The following GPC6 variants were observed in gnomAD, a reference collection of about 807,000 sequenced individuals.
GPC6 encodes the protein glypican-6.
GPC6 carries 14 observed loss-of-function variants against 55.2 expected under a neutral mutation model. That is an observed-to-expected ratio of 0.25 (90% CI 0.17 to 0.40). The LOEUF (loss-of-function observed/expected upper bound fraction) is 0.40. Among genes scored for constraint, GPC6 ranks in the 10% least tolerant of loss-of-function variants. GPC6 has a pLI of 1.00. For missense variants in GPC6, 641 were observed against 708.5 expected (o/e 0.90, Z 1.08); for synonymous variants, 278 against 259.6 (o/e 1.07, Z -0.68).
At chr13:93,728,986 A>G (rs1031947706) in intron 2 of GPC6, among the ~76,000 whole-genome samples, 4 of 152,232 alleles carry the variant, frequency 2.6e-5, no homozygotes, top group African/African-American at 7.2e-5. Flanking sequence ...CTGAATGAAT[A>G]GATGTAAGTA....
At position 93,895,899 on chromosome 13, in the gene GPC6, G is replaced by T. The variant is rs566829689; in HGVS notation, c.711+65354G>T. 2.6e-5 allele frequency among the ~76,000 whole-genome samples: 4 copies of T among 152,134 alleles called. No homozygotes were observed. The South Asian group carries it at 8.3e-4, about 32-fold the overall frequency. ...AGGGTGGGAAGAGCAGTGGAGATGGGGGAATACAGCGGGGTTGGTTTAAGG... is the reference window on the plus strand; with the variant it reads ...AGGGTGGGAAGAGCAGTGGAGATGGTGGAATACAGCGGGGTTGGTTTAAGG... On this transcript the variant is annotated intron_variant, in intron 3 of 8. Transcript: ENST00000377047.
intron 7 of GPC6, among the ~76,000 whole-genome samples, chr13:94,395,990 A>C (rs1395061659): frequency 6.6e-6 from 1 of 152,184 alleles, no homozygotes; most frequent in South Asian, 2.1e-4. Flanking sequence ...AAGAGGCGGG[A>C]CTAAAGGGGT....
At chr13:93,343,000 G>A (rs948108935) in intron 1 of GPC6, among the ~76,000 whole-genome samples, 2 of 152,146 alleles carry the variant, frequency 1.3e-5, no homozygotes, top group African/African-American at 4.8e-5. Context: ...CACAAATTCA[G>A]TCATTGATAC....
intron 1 of GPC6, among the ~76,000 whole-genome samples, chr13:93,432,533 A>C (rs1206921890): frequency 6.6e-6 from 1 of 152,178 alleles, no homozygotes; most frequent in African/African-American, 2.4e-5. Flanking sequence ...TCAAAGTTGC[A>C]GTCTTTCTGA....
At chr13:94,271,382 G>GCGCGCGCGCA (rs1491286473) in intron 4 of GPC6, among the ~76,000 whole-genome samples, 117 of 126,744 alleles carry the variant, frequency 9.2e-4, no homozygotes, top group Non-Finnish European at 1.6e-3. Context: ...GCGCGCGCGC[G>GCGCGCGCGCA]CACACACACA....
In GPC6 at chr13:93,830,365, C is replaced by A; in HGVS notation, c.531C>A (p.Asn177Lys). ...RLLERMFQLI[N>K]PQYHFSEDYL... ...TGGAACGGATGTTTCAGCTGATAAA[C>A]CCTCAGTATCACTTCAGTGAAGACT... The change falls in exon 3 of 9, where the codon AAC becomes AAA. Residue 177 changes from asparagine to lysine, a missense_variant. Asn to Lys is a moderately conservative substitution (Grantham distance 94). Coordinates refer to ENST00000377047, the MANE Select transcript of GPC6 (RefSeq NM_005708.5). The A allele has an allele frequency of 2.5e-6, 4 of 1,613,788 alleles. No individual in the cohort carries two copies. The highest frequency in any genetic ancestry group is 3.4e-6 in the Non-Finnish European group (4 of 1,179,860).
chr13:93,718,278 T>C (rs1039432232), intron 2 of GPC6, among the ~76,000 whole-genome samples: 3 of 152,016 alleles, frequency 2.0e-5, no homozygotes, highest in Non-Finnish European at 4.4e-5. Flanking sequence ...ACCGGTTGTT[T>C]CCTGACTTTT....
At chr13:93,782,481 G>A (rs1024473597) in intron 2 of GPC6, among the ~76,000 whole-genome samples, 1 of 151,966 alleles carries the variant, frequency 6.6e-6, no homozygotes, top group Non-Finnish European at 1.5e-5. Flanking sequence ...ATAGTAGTTC[G>A]ATTTTTGAGT....
chr13:93,389,453 G>A lies in GPC6; in HGVS notation c.161-155810G>A, dbSNP rs913462962. On this transcript the variant is annotated intron_variant, in intron 1 of 8. Coordinates refer to ENST00000377047, the MANE Select transcript of GPC6 (RefSeq NM_005708.5). ...CAAGAGGTGGAGCTTGTAGTGAGCCGAGATCGCACCACTGCACTCCAGCTT... is the reference window on the plus strand; with the variant it reads ...CAAGAGGTGGAGCTTGTAGTGAGCCAAGATCGCACCACTGCACTCCAGCTT... Among the ~76,000 whole-genome samples the A allele has an allele frequency of 5.8e-4, 87 of 149,744 alleles. 1 individual carries two copies. The highest frequency in any genetic ancestry group is 2.4e-4 in the Non-Finnish European group (16 of 67,728).
At chr13:94,285,701 T>A (rs982157357) in intron 4 of GPC6, among the ~76,000 whole-genome samples, 4 of 152,204 alleles carry the variant, frequency 2.6e-5, no homozygotes, top group African/African-American at 9.7e-5. Context: ...AATACTGAGT[T>A]CATTTCAGTT....
At chr13:93,304,387 T>C (rs1433201230) in intron 1 of GPC6, among the ~76,000 whole-genome samples, 1 of 152,204 alleles carries the variant, frequency 6.6e-6, no homozygotes, top group Admixed American at 6.5e-5. Flanking sequence ...TGGCAGTTGC[T>C]AGCCTTGTCT....
At chr13:94,136,090 T>A (rs932199471) in intron 4 of GPC6, among the ~76,000 whole-genome samples, 2 of 152,182 alleles carry the variant, frequency 1.3e-5, no homozygotes, top group Admixed American at 6.5e-5. Flanking sequence ...GCAATTAGTT[T>A]CATGATTTCT....
intron 3 of GPC6, among the ~76,000 whole-genome samples, chr13:93,979,119 G>C (rs980052977): frequency 1.3e-5 from 2 of 151,996 alleles, no homozygotes; most frequent in Non-Finnish European, 2.9e-5. Flanking sequence ...TTTCTGAGAT[G>C]AGGGAAATAT....
chr13:93,471,898 T>TA (rs1879135365), intron 1 of GPC6, among the ~76,000 whole-genome samples: 1 of 152,212 alleles, frequency 6.6e-6, no homozygotes. Flanking sequence ...TCAGTTGACT[T>TA]ATGGAAATTT....
At chr13:93,944,334 G>T (rs967768577) in intron 3 of GPC6, among the ~76,000 whole-genome samples, 1 of 152,056 alleles carries the variant, frequency 6.6e-6, no homozygotes, top group African/African-American at 2.4e-5. Flanking sequence ...CTCCCGAGTA[G>T]TTGGGACTAC....
chr13:94,120,876 G>T (rs1886607767), intron 4 of GPC6, among the ~76,000 whole-genome samples: 1 of 152,052 alleles, frequency 6.6e-6, no homozygotes, highest in African/African-American at 2.4e-5. Flanking sequence ...TTTAAGGAGT[G>T]CTACCTCCCT....
chr13:93,334,799 G>T (rs1879989207), intron 1 of GPC6, among the ~76,000 whole-genome samples: 1 of 152,058 alleles, frequency 6.6e-6, no homozygotes, highest in African/African-American at 2.4e-5. Flanking sequence ...ACTTACCTAT[G>T]AAGTCATTAT....
chr13:94,054,380 C>T (rs1282258700), intron 4 of GPC6, among the ~76,000 whole-genome samples: 1 of 152,150 alleles, frequency 6.6e-6, no homozygotes, highest in South Asian at 2.1e-4. Context: ...TCAGTGGAGT[C>T]GCCCGGAGGG....
chr13:93,231,396 T>TATATATATATATATATATAC (rs1491170403), intron 1 of GPC6, among the ~76,000 whole-genome samples: 1 of 27,082 alleles, frequency 3.7e-5, no homozygotes, highest in South Asian at 1.2e-3. Context: ...TATATATATA[T>TATATATATATATATATATAC]GTATATATAT....
Sources: gnomAD v4.1 joint callset for allele counts (sites outside exome capture counted in the v4.1 genomes callset) on GRCh38, gnomAD v4.1.1 for gene constraint, MANE v1.5 for transcripts, NCBI Gene and HGNC (gene_info 2026-07-23, HGNC 2026-07-21) for gene names.